The following PTGIS variants were observed in gnomAD, a reference collection of about 807,000 sequenced individuals.
The protein encoded by PTGIS is prostacyclin synthase.
In PTGIS, 45 loss-of-function variants were observed where a neutral mutation model predicts 50.3. The observed-to-expected ratio is 0.90, with a 90% CI of 0.70 to 1.15. The LOEUF is 1.15. Ranked by LOEUF, PTGIS falls within the 50% of genes most tolerant of loss-of-function variation. The pLI, the probability that PTGIS is intolerant of heterozygous loss-of-function variation, is 0.00. For missense variants in PTGIS, 668 were observed against 661.3 expected, an observed-to-expected ratio of 1.01 and a Z score of -0.11; for synonymous variants, 260 against 267.7, an observed-to-expected ratio of 0.97 and a Z score of 0.28.
chr20:49,554,982 G>C (rs1162931769), intron 1 of PTGIS, among the ~76,000 whole-genome samples: 1 of 152,040 alleles, frequency 6.6e-6, no homozygotes, highest in African/African-American at 2.4e-5. Context: ...AAGAATAAAG[G>C]TTTTTAGGCC....
rs1981308415 is a variant in PTGIS at position 49,511,084 on chromosome 20, C to G, written c.1302G>C (p.Trp434Cys). ...CCAGGCAGTGATTGTGCCCCGCCCC[C>G]CAGGGCATGTTGTAATTCTTCAGCC... The part of the protein sequence containing the change: ...GKRLKNYNMP[W>C]GAGHNHCLGR... The change falls in exon 9 of 10, where the codon TGG becomes TGC. Residue 434 changes from tryptophan to cysteine, a missense_variant. Coordinates refer to ENST00000244043, the MANE Select transcript of PTGIS (RefSeq NM_000961.4). 1.2e-6 allele frequency: 2 copies of G among 1,614,084 alleles called. No homozygotes were observed. The highest frequency in any genetic ancestry group is 1.1e-5 in the South Asian group (1 of 91,084).
At chr20:49,537,473 G>A (rs1467884960) in intron 5 of PTGIS, among the ~76,000 whole-genome samples, 1 of 152,242 alleles carries the variant, frequency 6.6e-6, no homozygotes, top group Non-Finnish European at 1.5e-5. Context: ...GTACAGGCTA[G>A]GCAGGGCGTG....
chr20:49,566,293 G>T (rs759284913), intron 1 of PTGIS, among the ~76,000 whole-genome samples: 107 of 152,312 alleles, frequency 7.0e-4, no homozygotes, highest in Admixed American at 1.0e-3. Context: ...ACTCCAGAGA[G>T]GATCAAAAGA....
intron 5 of PTGIS, among the ~76,000 whole-genome samples, chr20:49,527,080 T>C (rs1039824866): frequency 1.3e-5 from 2 of 152,098 alleles, no homozygotes; most frequent in Non-Finnish European, 2.9e-5. Flanking sequence ...CAAATGTCGG[T>C]TGATAGGTGA....
At position 49,504,647 on chromosome 20, in the gene PTGIS, T is replaced by A. The variant is rs1323531826; in HGVS notation, c.*3273A>T. ...AGGTGGAGGTTGTGGTGAGCTGAGATCGTGCCATTGCACTCCAGCCTGGGC... is the reference window on the plus strand; with the variant it reads ...AGGTGGAGGTTGTGGTGAGCTGAGAACGTGCCATTGCACTCCAGCCTGGGC... On this transcript the variant is annotated 3_prime_UTR_variant, in exon 10 of 10. Coordinates refer to ENST00000244043, the MANE Select transcript of PTGIS (RefSeq NM_000961.4). 6.7e-6 allele frequency: 1 copy of A among 148,818 alleles called. No individual in the cohort carries two copies. Among genetic ancestry groups the A allele is most frequent in the Non-Finnish European group, 1.5e-5 (1 of 67,740 alleles). The allele number at this position is 148,818 out of a possible 1,614,324, so 9.2% of individuals were successfully genotyped here. A position where few individuals can be genotyped will look rare whatever the true frequency, so the allele number is the denominator to read the frequency against.
At chr20:49,558,841 G>A (rs1982689355) in intron 1 of PTGIS, among the ~76,000 whole-genome samples, 2 of 151,838 alleles carry the variant, frequency 1.3e-5, no homozygotes, top group Admixed American at 6.6e-5. Flanking sequence ...AGCCTCCCAA[G>A]TAGCTGGGAT....
Position 49,561,259 on chromosome 20 carries a change from G to A in PTGIS, c.74+6784C>T, listed in dbSNP as rs1982767132. Among the ~76,000 whole-genome samples the A allele has an allele frequency of 2.0e-5, 3 of 152,034 alleles. No individual in the cohort carries two copies. The South Asian group carries it at 6.2e-4, about 32-fold the overall frequency. On this transcript the variant is annotated intron_variant, in intron 1 of 9. Coordinates refer to ENST00000244043, the MANE Select transcript of PTGIS (RefSeq NM_000961.4). Reference sequence around the variant, plus strand: ...GGACAGCTCGTGGGCAGGAGCAAATGGCCAGATTTGAGGGCCAAGGCTGGG... The same window carrying A: ...GGACAGCTCGTGGGCAGGAGCAAATAGCCAGATTTGAGGGCCAAGGCTGGG...
intron 6 of PTGIS, among the ~76,000 whole-genome samples, chr20:49,520,212 A>G (rs1397784003): frequency 1.3e-5 from 2 of 152,136 alleles, no homozygotes; most frequent in African/African-American, 2.4e-5. Flanking sequence ...ACTTCATTCT[A>G]TATATTTACA....
chr20:49,553,883 A>G (rs1310097807), intron 1 of PTGIS, among the ~76,000 whole-genome samples: 4 of 152,166 alleles, frequency 2.6e-5, no homozygotes, highest in Non-Finnish European at 5.9e-5. Context: ...AGCATGTTGT[A>G]AATGGTTTGT....
In PTGIS at chr20:49,548,028, A is replaced by G; in HGVS notation, c.199-9T>C. On this transcript the variant is annotated splice_polypyrimidine_tract_variant and intron_variant, in intron 2 of 9. Transcript: ENST00000244043. ...CTGCCCCCAACCAGTATCTGTGGGA[A>G]GTTGCCAGGGATAGAGTGAGGAGTG... 5 of 1,613,456 alleles carry G rather than the reference A, an allele frequency of 3.1e-6. No homozygotes were observed. The highest frequency in any genetic ancestry group is 4.2e-6 in the Non-Finnish European group (5 of 1,179,646).
intron 5 of PTGIS, among the ~76,000 whole-genome samples, chr20:49,538,457 T>C (rs1982139740): frequency 6.6e-6 from 1 of 151,888 alleles, no homozygotes; most frequent in African/African-American, 2.4e-5. Flanking sequence ...TATTGATCCA[T>C]ACAACAACCT....
In PTGIS at chr20:49,547,994, G is replaced by A. The variant is rs1262667958; in HGVS notation, c.224C>T (p.Thr75Ile). 6.2e-7 allele frequency: 1 copy of A among 1,614,108 alleles called. No individual in the cohort carries two copies. Among genetic ancestry groups the A allele is most frequent in the East Asian group, 2.2e-5 (1 of 44,878 alleles). The change falls in exon 3 of 10, where the codon ACC becomes ATC. Residue 75 changes from threonine (T) to isoleucine (I), a missense_variant. Thr to Ile is a moderately conservative substitution (Grantham distance 89). Coordinates refer to ENST00000244043, the MANE Select transcript of PTGIS (RefSeq NM_000961.4). The stretch of plus-strand genomic sequence containing the variant: ...GTAGGAGTGTGGGTCCAGGAGAACG[G>A]TGACATACCTGCCCCCAACCAGTAT... ...FTILVGGRYVTVLLDPHSYDA... is the reference protein window; with the variant it reads ...FTILVGGRYVIVLLDPHSYDA...
chr20:49,543,100 A>G (rs1373018589), intron 4 of PTGIS, among the ~76,000 whole-genome samples: 1 of 152,122 alleles, frequency 6.6e-6, no homozygotes, highest in Non-Finnish European at 1.5e-5. Flanking sequence ...AAATTAAATT[A>G]AATTCTGGTT....
intron 7 of PTGIS, among the ~76,000 whole-genome samples, chr20:49,513,598 C>A (rs1420297137): frequency 6.6e-6 from 1 of 152,068 alleles, no homozygotes; most frequent in Non-Finnish European, 1.5e-5. Flanking sequence ...TGGAAACGGG[C>A]CCCTGATTTT....
intron 1 of PTGIS, 45 bp downstream of exon 1, chr20:49,567,998 G>T (rs1305341806): frequency 1.4e-6 from 2 of 1,452,870 alleles, no homozygotes; most frequent in South Asian, 2.7e-5. Context: ...CCGGGCGGGA[G>T]CCGCCCCCTT....
intron 3 of PTGIS, among the ~76,000 whole-genome samples, chr20:49,546,844 C>T (rs1385358343): frequency 1.3e-5 from 2 of 152,236 alleles, no homozygotes; most frequent in Admixed American, 1.3e-4. Flanking sequence ...GCACACCCTA[C>T]ATCCAGGGCA....
intron 5 of PTGIS, among the ~76,000 whole-genome samples, chr20:49,536,218 G>C (rs1261745990): frequency 6.6e-6 from 1 of 152,202 alleles, no homozygotes; most frequent in Non-Finnish European, 1.5e-5. Flanking sequence ...AGGAAGCTGG[G>C]CTTGGAAGAA....
At chr20:49,565,148 ATT>A (rs60427465) in intron 1 of PTGIS, among the ~76,000 whole-genome samples, 3,036 of 145,874 alleles carry the variant, frequency 0.021, 87 homozygotes, top group African/African-American at 0.065. Flanking sequence ...TTTTTTTTGT[ATT>A]TTTTTTTTTT....
intron 6 of PTGIS, among the ~76,000 whole-genome samples, chr20:49,523,225 G>C (rs1196360018): frequency 6.6e-6 from 1 of 152,102 alleles, no homozygotes; most frequent in Non-Finnish European, 1.5e-5. Context: ...TTGTACTGTG[G>C]TCATGCAGGA....
Sources: allele counts gnomAD v4.1 joint callset (sites outside exome capture counted in the v4.1 genomes callset), GRCh38; gene constraint gnomAD v4.1.1; transcripts MANE v1.5; gene names NCBI Gene and HGNC (gene_info 2026-07-23, HGNC 2026-07-21).